CACNG2: variants seen among roughly 807,000 people sequenced by gnomAD.
CACNG2 encodes the protein voltage-dependent calcium channel gamma-2 subunit.
Under a neutral mutation model 25.9 loss-of-function variants are expected in CACNG2, and 3 were observed. That is an observed-to-expected ratio of 0.12 (90% CI 0.05 to 0.30). The LOEUF is 0.30. CACNG2 is among the 10% of genes least tolerant of loss of function. The probability of loss-of-function intolerance (pLI) is 1.00; values close to 1 mark genes in which losing one functional copy is unlikely to be tolerated. For synonymous variants in CACNG2, 167 were observed against 173.3 expected, an observed-to-expected ratio of 0.96 and a Z score of 0.29; for missense variants, 341 against 432.5, an observed-to-expected ratio of 0.79 and a Z score of 1.88.
At chr22:36,685,185 C>T (rs1429211169) in intron 1 of CACNG2, among the ~76,000 whole-genome samples, 2 of 152,114 alleles carry the variant, frequency 1.3e-5, no homozygotes, top group Non-Finnish European at 2.9e-5. Flanking sequence ...GGTGTCTCTC[C>T]CAGCCTGGGG....
chr22:36,615,158 G>A (rs1345205941), intron 1 of CACNG2, among the ~76,000 whole-genome samples: 1 of 152,158 alleles, frequency 6.6e-6, no homozygotes, highest in African/African-American at 2.4e-5. Flanking sequence ...TTGAATGAAG[G>A]TATTCGCAGC....
intron 1 of CACNG2, among the ~76,000 whole-genome samples, chr22:36,655,159 G>A (rs536298322): frequency 6.6e-6 from 1 of 152,228 alleles, no homozygotes; most frequent in East Asian, 1.9e-4. Context: ...AGTTTGGATT[G>A]GAATTCCTTT....
At chr22:36,603,649 C>T (rs761371078) in intron 1 of CACNG2, among the ~76,000 whole-genome samples, 32 of 152,184 alleles carry the variant, frequency 2.1e-4, no homozygotes, top group East Asian at 5.8e-4. Context: ...ATTTTAGAGC[C>T]CTTAAGAAGT....
intron 1 of CACNG2, among the ~76,000 whole-genome samples, chr22:36,600,755 C>A (rs1273887205): frequency 6.6e-6 from 1 of 152,046 alleles, no homozygotes; most frequent in Non-Finnish European, 1.5e-5. Flanking sequence ...CTATGTTGGC[C>A]AGGCTGGTCT....
At chr22:36,696,082 T>C (rs373917810) in intron 1 of CACNG2, among the ~76,000 whole-genome samples, 5 of 152,248 alleles carry the variant, frequency 3.3e-5, no homozygotes, top group African/African-American at 4.8e-5. Flanking sequence ...TCTGGATTTA[T>C]ATCTTCTCCT....
chr22:36,572,185 C>A (rs1360787373), intron 2 of CACNG2, among the ~76,000 whole-genome samples: 1 of 152,246 alleles, frequency 6.6e-6, no homozygotes, highest in African/African-American at 2.4e-5. Flanking sequence ...AGCCCCTCCC[C>A]TGTACCAGGC....
intron 2 of CACNG2, among the ~76,000 whole-genome samples, chr22:36,566,765 C>A (rs1180755879): frequency 6.6e-6 from 1 of 152,216 alleles, no homozygotes; most frequent in Non-Finnish European, 1.5e-5. Flanking sequence ...CTGCCCACTT[C>A]CAGCTCCCAC....
chr22:36,599,491 G>A (rs1295112107), intron 1 of CACNG2, among the ~76,000 whole-genome samples: 2 of 152,158 alleles, frequency 1.3e-5, no homozygotes, highest in East Asian at 3.9e-4. Flanking sequence ...CATGAGCCCA[G>A]GAGTTCCAAC....
At chr22:36,673,404 T>C (rs187717746) in intron 1 of CACNG2, among the ~76,000 whole-genome samples, 5 of 152,322 alleles carry the variant, frequency 3.3e-5, no homozygotes, top group Non-Finnish European at 7.3e-5. Context: ...TGAACTCTAA[T>C]AACATCGGAA....
At chr22:36,657,642 AT>A (rs1936727918) in intron 1 of CACNG2, among the ~76,000 whole-genome samples, 1 of 152,120 alleles carries the variant, frequency 6.6e-6, no homozygotes, top group African/African-American at 2.4e-5. Context: ...TGTGCCTATA[AT>A]TTTTAAAAAC....
At chr22:36,618,426 T>C (rs1015390939) in intron 1 of CACNG2, among the ~76,000 whole-genome samples, 3 of 152,232 alleles carry the variant, frequency 2.0e-5, no homozygotes, top group Non-Finnish European at 2.9e-5. Flanking sequence ...GGCAGCTGTA[T>C]GGCCTAAGCG....
At chr22:36,565,040 C>T (rs1935103360) in intron 3 of CACNG2, among the ~76,000 whole-genome samples, 154 bp from the exon 4 acceptor site, 1 of 152,130 alleles carries the variant, frequency 6.6e-6, no homozygotes, top group Admixed American at 6.5e-5. Context: ...TGTAGATGGA[C>T]ATCCGCAAGC....
At position 36,561,722 on chromosome 22, in the gene CACNG2, A is replaced by G. The variant is rs940991583; in HGVS notation, c.*2629T>C. The G allele has an allele frequency of 6.6e-6, 1 of 152,288 alleles. No individual in the cohort carries two copies. Among genetic ancestry groups the G allele is most frequent in the African/African-American group, 2.4e-5 (1 of 41,460 alleles). 9.4% of individuals were successfully genotyped at this position (152,288 alleles called of 1,614,324 possible). A position where few individuals can be genotyped will look rare whatever the true frequency, so the allele number is the denominator to read the frequency against. Reference sequence around the variant, plus strand: ...CCTTGACCTTCAGTCACCTGGGAGTAACTTGCAGACTGTTCTGAAATTTCC... The same window carrying G: ...CCTTGACCTTCAGTCACCTGGGAGTGACTTGCAGACTGTTCTGAAATTTCC... On this transcript the variant is annotated 3_prime_UTR_variant, in exon 4 of 4. Coordinates refer to ENST00000300105, the MANE Select transcript of CACNG2 (RefSeq NM_006078.5).
intron 1 of CACNG2, among the ~76,000 whole-genome samples, chr22:36,649,227 CAG>C (rs1381341546): frequency 6.6e-6 from 1 of 152,196 alleles, no homozygotes; most frequent in Non-Finnish European, 1.5e-5. Flanking sequence ...CCAGAAAGCT[CAG>C]AGTCACCCTC....
chr22:36,604,179 G>T (rs1175313754), intron 1 of CACNG2, among the ~76,000 whole-genome samples: 1 of 152,216 alleles, frequency 6.6e-6, no homozygotes. Context: ...AAGTAATTCA[G>T]ATGTTCTGGA....
chr22:36,680,073 C>T (rs1268706783), intron 1 of CACNG2, among the ~76,000 whole-genome samples: 1 of 151,882 alleles, frequency 6.6e-6, no homozygotes, highest in Non-Finnish European at 1.5e-5. Context: ...CCATCATTAT[C>T]ACCACCATCA....
chr22:36,579,675 C>A lies in CACNG2; in HGVS notation c.295+7790G>T, dbSNP rs182745568. Among the ~76,000 whole-genome samples, 6 of 152,192 alleles carry A rather than the reference C, an allele frequency of 3.9e-5. No individual in the cohort carries two copies. The South Asian group carries it at 6.2e-4, about 16-fold the overall frequency. On this transcript the variant is annotated intron_variant, in intron 2 of 3. Coordinates refer to ENST00000300105, the MANE Select transcript of CACNG2 (RefSeq NM_006078.5). ...AAGCAGAGGCTCCCAAGTCCTGGTCCCCACCCCTTCTGCCACCTGCCTTCC... is the reference window on the plus strand; with the variant it reads ...AAGCAGAGGCTCCCAAGTCCTGGTCACCACCCCTTCTGCCACCTGCCTTCC...
At chr22:36,670,472 G>C (rs1936932857) in intron 1 of CACNG2, among the ~76,000 whole-genome samples, 1 of 152,138 alleles carries the variant, frequency 6.6e-6, no homozygotes, top group Admixed American at 6.6e-5. Context: ...TGTTATAAAA[G>C]TATTGATTAT....
chr22:36,578,307 G>A (rs1041598070), intron 2 of CACNG2, among the ~76,000 whole-genome samples: 16 of 150,246 alleles, frequency 1.1e-4, no homozygotes, highest in East Asian at 9.8e-4. Context: ...GCAGTGAGCC[G>A]AGATGGCACC....
Sources: gnomAD v4.1 joint callset for allele counts (sites outside exome capture counted in the v4.1 genomes callset) on GRCh38, gnomAD v4.1.1 for gene constraint, MANE v1.5 for transcripts, NCBI Gene and HGNC (gene_info 2026-07-23, HGNC 2026-07-21) for gene names.